Variants in PI4KA observed in about 807,000 individuals in gnomAD.
PI4KA encodes the protein phosphatidylinositol 4-kinase alpha, also known as PI4-kinase alpha.
PI4KA carries 122 observed loss-of-function variants against 271.4 expected under a neutral mutation model. The ratio of observed to expected loss-of-function variants is 0.45; its 90% confidence interval spans 0.39 to 0.52. PI4KA has a LOEUF of 0.52. Ranked by LOEUF, PI4KA falls within the 20% of genes least tolerant of loss-of-function variation. The pLI, the probability that PI4KA is intolerant of heterozygous loss-of-function variation, is 0.00. For synonymous variants in PI4KA, 1,041 were observed against 1,078.8 expected, an observed-to-expected ratio of 0.96 and a Z score of 0.69; for missense variants, 1,969 against 2,769.1, an observed-to-expected ratio of 0.71 and a Z score of 6.48.
In PI4KA at chr22:20,818,526, G is replaced by C; in HGVS notation, c.813C>G (p.Pro271=). ...ISQVSPERGM[P]PPSSPGGSAF... is the part of the protein sequence containing the mutation. ...CAGATCCTCCAGGGGAACTGGGAGG[G>C]GGCATGCCGCGTTCAGGGCTGACCT... The change falls in exon 7 of 55, where the codon CCC becomes CCG. Residue 271 remains proline (P), a synonymous_variant. Coordinates refer to ENST00000255882, the MANE Select transcript of PI4KA (RefSeq NM_058004.4). 1 of 1,561,492 alleles carries C rather than the reference G, an allele frequency of 6.4e-7. No individual in the cohort carries two copies. Among genetic ancestry groups the C allele is most frequent in the Non-Finnish European group, 8.6e-7 (1 of 1,160,028 alleles).
chr22:20,804,458 C>T (rs1286903942), intron 11 of PI4KA, 58 bp from the exon 12 acceptor site: 3 of 1,133,318 alleles, frequency 2.6e-6, no homozygotes, highest in Non-Finnish European at 4.0e-6. Flanking sequence ...CTTTCTAACA[C>T]ACTTATCCAC....
chr22:20,800,890 G>A (rs1601528172), intron 14 of PI4KA, among the ~76,000 whole-genome samples: 3 of 139,596 alleles, frequency 2.1e-5, no homozygotes, highest in African/African-American at 7.7e-5. Flanking sequence ...AAAAAAGGAA[G>A]AATTTCTTTT....
chr22:20,826,360 T>A (rs1003651622), intron 3 of PI4KA, among the ~76,000 whole-genome samples: 5 of 152,026 alleles, frequency 3.3e-5, no homozygotes, highest in African/African-American at 7.2e-5. Flanking sequence ...TAAAATAAAA[T>A]AAAAAATAAA....
chr22:20,744,757 C>A, intron 29 of PI4KA, 37 bp from the exon 30 acceptor site: 1 of 1,527,084 alleles, frequency 6.5e-7, no homozygotes, highest in Non-Finnish European at 9.1e-7. Context: ...ACTATGGCAG[C>A]ACTATCCTTT....
chr22:20,849,808 C>T (rs190008018), intron 1 of PI4KA, among the ~76,000 whole-genome samples: 3 of 152,154 alleles, frequency 2.0e-5, no homozygotes, highest in Admixed American at 6.5e-5. Flanking sequence ...GAGCCGAGAT[C>T]GCGCCACTGC....
At chr22:20,715,139 T>C (rs531815488) in intron 45 of PI4KA, among the ~76,000 whole-genome samples, 10 of 151,340 alleles carry the variant, frequency 6.6e-5, no homozygotes, top group Non-Finnish European at 1.2e-4. Context: ...GGTGCGATCT[T>C]GGCTCACTGC....
intron 19 of PI4KA, chr22:20,779,392 AGCTAGAGAAAGGAGGGGAAACT>A (rs1933563906): frequency 1.2e-6 from 2 of 1,614,130 alleles, no homozygotes; most frequent in Non-Finnish European, 1.7e-6. Context: ...CCGCTGGATC[AGCTAGAGAAAGGAGGGGAAACT>A]GCTCAGTCTG....
chr22:20,746,594 C>T (rs570146050), intron 29 of PI4KA, among the ~76,000 whole-genome samples: 1 of 152,228 alleles, frequency 6.6e-6, no homozygotes, highest in Non-Finnish European at 1.5e-5. Context: ...TAAACACTTA[C>T]AGTCTATGAG....
chr22:20,850,342 C>G (rs1162988368), intron 1 of PI4KA, among the ~76,000 whole-genome samples: 5 of 151,968 alleles, frequency 3.3e-5, no homozygotes, highest in African/African-American at 1.2e-4. Flanking sequence ...TCAAGACTAG[C>G]CTGGAACCCC....
chr22:20,741,318 AGGT>A (rs1929420840), intron 32 of PI4KA, among the ~76,000 whole-genome samples: 1 of 152,200 alleles, frequency 6.6e-6, no homozygotes, highest in South Asian at 2.1e-4. Flanking sequence ...TCCACCATGC[AGGT>A]GAGGAGCCCC....
intron 32 of PI4KA, among the ~76,000 whole-genome samples, chr22:20,739,285 G>T (rs1288799328): frequency 6.7e-6 from 1 of 150,302 alleles, no homozygotes; most frequent in Non-Finnish European, 1.5e-5. Flanking sequence ...GGCGGAGTGA[G>T]CCAAGATCGG....
At chr22:20,717,534 C>T (rs368851) in intron 45 of PI4KA, among the ~76,000 whole-genome samples, 174 bp downstream of exon 45, 2,856 of 79,328 alleles carry the variant, frequency 0.036, no homozygotes, top group African/African-American at 0.044. Flanking sequence ...GCGGCAGATT[C>T]TGGGGAGGGG....
rs908876576 is a variant in PI4KA at position 20,784,315 on chromosome 22, G to T, written c.2328+8878C>A. 9 of 1,601,322 alleles carry T rather than the reference G, an allele frequency of 5.6e-6. No homozygotes were observed. The African/African-American group carries it at 1.1e-4, about 19-fold the overall frequency. ...GGGGTGTCTGGGAATACTGGAAAAT[G>T]GATCATTTTTTTAAAAAGGGAGAAT... On this transcript the variant is annotated intron_variant, in intron 19 of 54. Transcript: ENST00000255882.
rs551796839 is a variant in PI4KA, at chr22:20,737,422, G to C, written c.3742-2869C>G. 3.3e-5 allele frequency among the ~76,000 whole-genome samples: 5 copies of C among 152,056 alleles called. No individual in the cohort carries two copies. In the East Asian group the frequency reaches 7.8e-4, roughly 24 times the overall value. ...GTACTCCAACTGCCCTGCCCCCAGG[G>C]GTCAACCAACCCACTCCTATCTGAG... On this transcript the variant is annotated intron_variant, in intron 32 of 54. Coordinates refer to ENST00000255882, the MANE Select transcript of PI4KA (RefSeq NM_058004.4).
chr22:20,779,873 T>C, intron 19 of PI4KA: 1 of 1,614,242 alleles, frequency 6.2e-7, no homozygotes, highest in Non-Finnish European at 8.5e-7. Flanking sequence ...AAGACTTTGT[T>C]AATGCCAGCA....
At chr22:20,742,376 G>A (rs1439345729) in intron 31 of PI4KA, 21 bp from the exon 32 acceptor site, 5 of 1,610,690 alleles carry the variant, frequency 3.1e-6, no homozygotes, top group East Asian at 2.2e-5. Context: ...ACACACGTCA[G>A]TCAGAGGCCT....
intron 1 of PI4KA, 109 bp downstream of exon 1, chr22:20,858,461 G>T: frequency 1.3e-6 from 1 of 787,818 alleles, no homozygotes; most frequent in Non-Finnish European, 1.7e-6. Flanking sequence ...TCCCGCACAG[G>T]CTGCCGGCGA....
intron 9 of PI4KA, among the ~76,000 whole-genome samples, chr22:20,809,431 C>CAT (rs1555901151): frequency 3.4e-5 from 5 of 148,504 alleles, no homozygotes; most frequent in African/African-American, 7.4e-5. Flanking sequence ...TTACAAGAAA[C>CAT]TTTTTTTTTT....
chr22:20,840,569 T>A (rs1925423190), intron 1 of PI4KA, among the ~76,000 whole-genome samples: 1 of 151,936 alleles, frequency 6.6e-6, no homozygotes, highest in South Asian at 2.1e-4. Flanking sequence ...AGGAGACTCC[T>A]GCAGCAGCTG....
Sources: gnomAD v4.1 joint callset for allele counts (sites outside exome capture counted in the v4.1 genomes callset) on GRCh38, gnomAD v4.1.1 for gene constraint, MANE v1.5 for transcripts, NCBI Gene and HGNC (gene_info 2026-07-23, HGNC 2026-07-21) for gene names.